NIBAN2: variants seen among roughly 807,000 people sequenced by gnomAD.
The protein encoded by NIBAN2 is niban apoptosis regulator 2.
NIBAN2 carries 36 observed loss-of-function variants against 81.8 expected under a neutral mutation model. That is an observed-to-expected ratio of 0.44 (90% CI 0.34 to 0.58). NIBAN2 has a LOEUF of 0.58. Ranked by LOEUF, NIBAN2 falls within the 20% of genes least tolerant of loss-of-function variation. NIBAN2 has a pLI of 0.02. For missense variants in NIBAN2, 897 were observed against 1,014.1 expected (o/e 0.88, Z 1.57); for synonymous variants, 445 against 441.6 (o/e 1.01, Z -0.10).
At chr9:127,549,447 ACG>A (rs1338873147) in intron 1 of NIBAN2, among the ~76,000 whole-genome samples, 17 of 152,086 alleles carry the variant, frequency 1.1e-4, no homozygotes, top group East Asian at 5.8e-4. Flanking sequence ...AGGCACACAC[ACG>A]CACATTCACA....
At chr9:127,567,852 C>T (rs10987687) in intron 1 of NIBAN2, among the ~76,000 whole-genome samples, 44,436 of 151,994 alleles carry the variant, frequency 0.29, 7,131 homozygotes, top group African/African-American at 0.42. Flanking sequence ...AGGAAGAAAT[C>T]ACTGACCCCA....
In NIBAN2 at chr9:127,506,740, C is replaced by T; in HGVS notation, c.*105G>A. The T allele has an allele frequency of 9.2e-7, 1 of 1,092,750 alleles. No individual in the cohort carries two copies. Among genetic ancestry groups the T allele is most frequent in the Non-Finnish European group, 1.3e-6 (1 of 778,460 alleles). The allele number at this position is 1,092,750 out of a possible 1,614,324, so 67.7% of individuals were successfully genotyped here. On this transcript the variant is annotated 3_prime_UTR_variant, in exon 14 of 14. Coordinates refer to ENST00000373312, the MANE Select transcript of NIBAN2 (RefSeq NM_022833.4). ...GCGGTGCCACACAGCCCTGCCCCGC[C>T]TCCACCCACAAGGCACAGACCAGGG... is the stretch of plus-strand genomic sequence containing the variant.
At chr9:127,550,901 G>A (rs1194943687) in intron 1 of NIBAN2, among the ~76,000 whole-genome samples, 2 of 152,152 alleles carry the variant, frequency 1.3e-5, no homozygotes, top group African/African-American at 4.8e-5. Context: ...TCCAGCACCT[G>A]CAAAGAGCCG....
At chr9:127,570,546 G>A (rs1043537825), upstream of NIBAN2, among the ~76,000 whole-genome samples, 1 of 152,204 alleles carries the variant, frequency 6.6e-6, no homozygotes, top group African/African-American at 2.4e-5. Flanking sequence ...TGGCACCAGG[G>A]TCCATCATCT....
intron 4 of NIBAN2, 129 bp downstream of exon 4, chr9:127,524,929 A>G: frequency 1.5e-6 from 1 of 661,634 alleles, no homozygotes; most frequent in African/African-American, 1.8e-5. Context: ...GTCTCCATCC[A>G]CAGCTCTAAG....
intron 1 of NIBAN2, among the ~76,000 whole-genome samples, chr9:127,549,024 C>A (rs1837525393): frequency 6.6e-6 from 1 of 152,164 alleles, no homozygotes; most frequent in Non-Finnish European, 1.5e-5. Flanking sequence ...GCACCCACCT[C>A]CAAGAGTTGG....
At chr9:127,552,692 T>TTG (rs1554768662) in intron 1 of NIBAN2, among the ~76,000 whole-genome samples, 2 of 140,776 alleles carry the variant, frequency 1.4e-5, no homozygotes, top group African/African-American at 5.3e-5. Context: ...TCGTTTTTTT[T>TTG]TTTTTTTTTT....
At chr9:127,523,179 AAAAAAAAAAAAAAATATATATATATATAT>A (rs1161129853) in intron 5 of NIBAN2, among the ~76,000 whole-genome samples, 1 of 33,882 alleles carries the variant, frequency 3.0e-5, no homozygotes, top group Non-Finnish European at 5.2e-5. Flanking sequence ...TAAAAAAAAA[AAAAAAAAAAAAAAATATATATATATATAT>A]ATATATATAT....
intron 1 of NIBAN2, 151 bp downstream of exon 1, chr9:127,568,669 C>T (rs936607284): frequency 1.6e-6 from 1 of 630,074 alleles, no homozygotes; most frequent in Non-Finnish European, 2.2e-6. Flanking sequence ...GGAACGAGCT[C>T]GGACGCGGGG....
chr9:127,549,355 C>CCA (rs1352222985), intron 1 of NIBAN2, among the ~76,000 whole-genome samples: 1 of 152,050 alleles, frequency 6.6e-6, no homozygotes, highest in African/African-American at 2.4e-5. Context: ...CACATGCATG[C>CCA]CACACACATG....
chr9:127,554,275 T>C (rs1837626868), intron 1 of NIBAN2, among the ~76,000 whole-genome samples: 1 of 152,188 alleles, frequency 6.6e-6, no homozygotes, highest in Admixed American at 6.5e-5. Context: ...GCTCCCTGCC[T>C]TGGATAAGCA....
chr9:127,524,766 G>T, intron 4 of NIBAN2: 1 of 313,730 alleles, frequency 3.2e-6, no homozygotes, highest in Admixed American at 4.7e-5. Flanking sequence ...AGGCTTCTAG[G>T]GAATTTCAGC....
chr9:127,530,753 G>T (rs930705999), intron 2 of NIBAN2, among the ~76,000 whole-genome samples: 1 of 152,226 alleles, frequency 6.6e-6, no homozygotes, highest in Admixed American at 6.5e-5. Context: ...TACTGGAGGA[G>T]CTTGCCTTGA....
upstream of NIBAN2, among the ~76,000 whole-genome samples, chr9:127,569,625 C>A (rs970872067): frequency 6.6e-6 from 1 of 151,902 alleles, no homozygotes; most frequent in African/African-American, 2.4e-5. Context: ...GTGCCCCCTG[C>A]CCCCCCAAGT....
intron 1 of NIBAN2, among the ~76,000 whole-genome samples, chr9:127,557,468 AG>A (rs1837692812): frequency 7.1e-6 from 1 of 141,230 alleles, no homozygotes; most frequent in Admixed American, 6.9e-5. Flanking sequence ...AGGGGACTGC[AG>A]GAAGAGGGGA....
chr9:127,518,079 C>T (rs1174477682), intron 5 of NIBAN2, 138 bp from the exon 6 acceptor site: 3 of 597,004 alleles, frequency 5.0e-6, no homozygotes, highest in Non-Finnish European at 8.9e-6. Context: ...CCTCACTTTC[C>T]TCGTCATCAG....
intron 1 of NIBAN2, among the ~76,000 whole-genome samples, chr9:127,555,814 G>T (rs1232993776): frequency 1.3e-5 from 2 of 152,242 alleles, no homozygotes; most frequent in Non-Finnish European, 2.9e-5. Flanking sequence ...CTCCGGTAAT[G>T]ATTTTAATTA....
At chr9:127,523,346 A>C (rs1564301513) in intron 5 of NIBAN2, among the ~76,000 whole-genome samples, 2 of 149,186 alleles carry the variant, frequency 1.3e-5, no homozygotes, top group African/African-American at 2.5e-5. Context: ...CACTTTACAG[A>C]GCCTCCAAGA....
intron 1 of NIBAN2, among the ~76,000 whole-genome samples, chr9:127,577,226 T>C (rs1257131734): frequency 6.6e-6 from 1 of 151,948 alleles, no homozygotes; most frequent in African/African-American, 2.4e-5. Flanking sequence ...AAGAATCACT[T>C]GAACCAGAGA....
Sources: gnomAD v4.1 joint callset for allele counts (sites outside exome capture counted in the v4.1 genomes callset) on GRCh38, gnomAD v4.1.1 for gene constraint, MANE v1.5 for transcripts, NCBI Gene and HGNC (gene_info 2026-07-23, HGNC 2026-07-21) for gene names.